BTG2: variants seen among roughly 807,000 people sequenced by gnomAD.
BTG2 encodes the protein BTG anti-proliferation factor 2.
BTG2 carries 9 observed loss-of-function variants against 13.1 expected under a neutral mutation model. That is an observed-to-expected ratio of 0.69 (90% CI 0.41 to 1.20). The LOEUF (loss-of-function observed/expected upper bound fraction) is 1.20. BTG2 is among the 50% of genes most tolerant of loss of function. The pLI, the probability that BTG2 is intolerant of heterozygous loss-of-function variation, is 0.00. For missense variants in BTG2, 200 were observed against 209.5 expected, an observed-to-expected ratio of 0.95 and a Z score of 0.28; for synonymous variants, 92 against 88.6, an observed-to-expected ratio of 1.04 and a Z score of -0.21.
rs935417653 is a variant in BTG2 at position 203,308,841 on chromosome 1, T to C, written c.*1403T>C. ...TATACTGTTGTGGGTTGGAGAAAAGTGGAAAGCTACACTGGGAAGAAACTC... is the reference window on the plus strand; with the variant it reads ...TATACTGTTGTGGGTTGGAGAAAAGCGGAAAGCTACACTGGGAAGAAACTC... On this transcript the variant is annotated 3_prime_UTR_variant, in exon 2 of 2. Transcript: ENST00000290551. 8 of 152,602 alleles carry C rather than the reference T, an allele frequency of 5.2e-5. No individual in the cohort carries two copies. The highest frequency in any genetic ancestry group is 1.9e-4 in the African/African-American group (8 of 41,434). The allele number at this position is 152,602 out of a possible 1,614,324, so 9.5% of individuals were successfully genotyped here.
chr1:203,307,711 T>C lies in BTG2; in HGVS notation c.*273T>C. 4.0e-6 allele frequency: 1 copy of C among 248,626 alleles called. No individual in the cohort carries two copies. The highest frequency in any genetic ancestry group is 7.5e-6 in the Non-Finnish European group (1 of 132,560). 15.4% of individuals were successfully genotyped at this position (248,626 alleles called of 1,614,324 possible). A position where few individuals can be genotyped will look rare whatever the true frequency, so the allele number is the denominator to read the frequency against. On this transcript the variant is annotated 3_prime_UTR_variant, in exon 2 of 2. Transcript: ENST00000290551. ...AGTGTCTGCCTATAGGAGGGGGAGC[T>C]GTTAGGGGGTAGACCTAGCCAAGGA...
Position 203,307,255 on chromosome 1 carries a change from C to A in BTG2, c.294C>A (p.Ser98Arg), listed in dbSNP as rs1341889081. 4 of 1,614,228 alleles carry A rather than the reference C, an allele frequency of 2.5e-6. No homozygotes were observed. Among genetic ancestry groups the A allele is most frequent in the Admixed American group, 1.7e-5 (1 of 60,036 alleles). The part of the protein sequence containing the change: ...SQPQLHQLLP[S>R]ELTLWVDPYE... ...CCCAGCTGCACCAGCTGCTGCCCAG[C>A]GAGCTGACCCTGTGGGTGGACCCCT... Residue 98 changes from serine (S) to arginine (R), a missense_variant, in exon 2 of 2, where the codon AGC becomes AGA. Coordinates refer to ENST00000290551, the MANE Select transcript of BTG2 (RefSeq NM_006763.3).
At chr1:203,305,953 T>C in intron 1 of BTG2, among the ~76,000 whole-genome samples, 1 of 152,006 alleles carries the variant, frequency 6.6e-6, no homozygotes, top group East Asian at 1.9e-4. Flanking sequence ...GCCGTGGCGG[T>C]TCTGATGGGG....
In BTG2 at chr1:203,309,018, A is replaced by T. The variant is rs1658334143; in HGVS notation, c.*1580A>T. ...CCCCTTAGTGAGGAATCTTCACCCCACTTCCTCTACCCCCAGGTTCTCCTC... is the reference window on the plus strand; with the variant it reads ...CCCCTTAGTGAGGAATCTTCACCCCTCTTCCTCTACCCCCAGGTTCTCCTC... On this transcript the variant is annotated 3_prime_UTR_variant, in exon 2 of 2. Coordinates refer to ENST00000290551, the MANE Select transcript of BTG2 (RefSeq NM_006763.3). 1 of 152,410 alleles carries T rather than the reference A, an allele frequency of 6.6e-6. No individual in the cohort carries two copies. Among genetic ancestry groups the T allele is most frequent in the Non-Finnish European group, 1.5e-5 (1 of 68,018 alleles). The allele number at this position is 152,410 out of a possible 1,614,324, so 9.4% of individuals were successfully genotyped here.
At chr1:203,306,820 A>ACTCT (rs56359652) in intron 1 of BTG2, among the ~76,000 whole-genome samples, 1,854 of 108,732 alleles carry the variant, frequency 0.017, 22 homozygotes, top group South Asian at 0.055. Context: ...ACACACACAC[A>ACTCT]CTCTCTCTCT....
chr1:203,308,487 C>G lies in BTG2; in HGVS notation c.*1049C>G, dbSNP rs1450755806. ...TACCGTATTTTCTAGGACAAGAGTT[C>G]TCAGTCACTGTGCAATATGCCCCCT... On this transcript the variant is annotated 3_prime_UTR_variant, in exon 2 of 2. Coordinates refer to ENST00000290551, the MANE Select transcript of BTG2 (RefSeq NM_006763.3). The G allele has an allele frequency of 2.0e-5, 3 of 152,626 alleles. No individual in the cohort carries two copies. Among genetic ancestry groups the G allele is most frequent in the East Asian group, 3.9e-4 (2 of 5,192 alleles). The allele number at this position is 152,626 out of a possible 1,614,324, so 9.5% of individuals were successfully genotyped here. A position where few individuals can be genotyped will look rare whatever the true frequency, so the allele number is the denominator to read the frequency against.
chr1:203,306,386 G>A (rs1265490136), intron 1 of BTG2, among the ~76,000 whole-genome samples: 1 of 152,104 alleles, frequency 6.6e-6, no homozygotes. Flanking sequence ...GAGATAAGCA[G>A]CCCGCTCGCT....
chr1:203,306,981 C>T (rs1300152349), intron 1 of BTG2, 123 bp from the exon 2 acceptor site: 1 of 780,512 alleles, frequency 1.3e-6, no homozygotes, highest in East Asian at 2.7e-5. Flanking sequence ...GAGGAATCCA[C>T]CTCCCTTACT....
Position 203,307,339 on chromosome 1 carries a change from C to T in BTG2, c.378C>T (p.Ala126=), listed in dbSNP as rs772734958. ...DGSICVLYEE[A]PLAASCGLLT... ...CCATCTGCGTCTTGTACGAGGAGGCCCCACTGGCCGCCTCCTGTGGGCTCC... is the reference window on the plus strand; with the variant it reads ...CCATCTGCGTCTTGTACGAGGAGGCTCCACTGGCCGCCTCCTGTGGGCTCC... The change falls in exon 2 of 2, where the codon GCC becomes GCT. Residue 126 remains alanine (A), a synonymous_variant. Transcript: ENST00000290551. 4 of 1,613,764 alleles carry T rather than the reference C, an allele frequency of 2.5e-6. No individual in the cohort carries two copies. In the African/African-American group the frequency reaches 5.3e-5, roughly 22 times the overall value.
chr1:203,307,432 C>T lies in BTG2; in HGVS notation c.471C>T (p.Ser157=), dbSNP rs377245155. Residue 157 remains serine, a synonymous_variant, in exon 2 of 2, where the codon TCC becomes TCT. Coordinates refer to ENST00000290551, the MANE Select transcript of BTG2 (RefSeq NM_006763.3). The part of the protein sequence containing the change: ...SPSKNYVMAV[S]S ...CCAAGAACTACGTGATGGCAGTCTC[C>T]AGCTAGGCCCTTCCGCCCCCGCCCT... 1.9e-6 allele frequency: 3 copies of T among 1,579,186 alleles called. No individual in the cohort carries two copies. The highest frequency in any genetic ancestry group is 3.4e-5 in the Admixed American group (2 of 57,998).
rs1342974852 is a variant in BTG2 at position 203,307,699 on chromosome 1, A to C, written c.*261A>C. ...AGTCTGTGAGCCAGTGTCTGCCTAT[A>C]GGAGGGGGAGCTGTTAGGGGGTAGA... On this transcript the variant is annotated 3_prime_UTR_variant, in exon 2 of 2. Transcript: ENST00000290551. 1 of 271,980 alleles carries C rather than the reference A, an allele frequency of 3.7e-6. No individual in the cohort carries two copies. Among genetic ancestry groups the C allele is most frequent in the Non-Finnish European group, 6.8e-6 (1 of 147,698 alleles). The allele number at this position is 271,980 out of a possible 1,614,324, so 16.8% of individuals were successfully genotyped here.
Position 203,308,361 on chromosome 1 carries a change from G to C in BTG2, c.*923G>C, listed in dbSNP as rs1300759292. On this transcript the variant is annotated 3_prime_UTR_variant, in exon 2 of 2. Transcript: ENST00000290551. ...GATCCCTTTGAGAGGTGGCTCAAAA[G>C]CTACAGGGAACTCCAGGTCCTTTAT... 1 of 152,616 alleles carries C rather than the reference G, an allele frequency of 6.6e-6. No individual in the cohort carries two copies. Among genetic ancestry groups the C allele is most frequent in the Non-Finnish European group, 1.5e-5 (1 of 68,032 alleles). The allele number at this position is 152,616 out of a possible 1,614,324, so 9.5% of individuals were successfully genotyped here.
chr1:203,306,028 T>C (rs1658254071), intron 1 of BTG2, among the ~76,000 whole-genome samples: 2 of 152,226 alleles, frequency 1.3e-5, no homozygotes, highest in East Asian at 1.9e-4. Flanking sequence ...AGTCCCCAGC[T>C]TATGCCCCTG....
chr1:203,306,866 AC>A (rs1431910666), intron 1 of BTG2, among the ~76,000 whole-genome samples: 1 of 133,854 alleles, frequency 7.5e-6, no homozygotes, highest in Non-Finnish European at 1.6e-5. Context: ...ACACACACAC[AC>A]ACACACACTC....
At chr1:203,306,754 T>G (rs1462877696) in intron 1 of BTG2, among the ~76,000 whole-genome samples, 1 of 149,576 alleles carries the variant, frequency 6.7e-6, no homozygotes, top group East Asian at 2.0e-4. Context: ...AGCAATACAC[T>G]GGCCACTAGA....
intron 1 of BTG2, among the ~76,000 whole-genome samples, chr1:203,306,045 T>C (rs1658254794): frequency 1.3e-5 from 2 of 152,226 alleles, no homozygotes; most frequent in Middle Eastern, 3.4e-3. Flanking sequence ...CCTGTCTCAT[T>C]ACGGGCTCGT....
In BTG2 at chr1:203,307,508, A is replaced by G; in HGVS notation, c.*70A>G. 8.2e-7 allele frequency: 1 copy of G among 1,222,314 alleles called. No individual in the cohort carries two copies. The highest frequency in any genetic ancestry group is 1.1e-6 in the Non-Finnish European group (1 of 884,416). 75.7% of individuals were successfully genotyped at this position (1,222,314 alleles called of 1,614,324 possible). On this transcript the variant is annotated 3_prime_UTR_variant, in exon 2 of 2. Transcript: ENST00000290551. ...TGACAACAGGCCACCACATACCTCA[A>G]CCTGGGGAACTGTATTTTTAAATGA...
In BTG2 at chr1:203,305,684, C is replaced by A. The variant is rs1249520390; in HGVS notation, c.78C>A (p.Thr26=). The A allele has an allele frequency of 1.3e-6, 2 of 1,563,856 alleles. No homozygotes were observed. Among genetic ancestry groups the A allele is most frequent in the Non-Finnish European group, 1.7e-6 (2 of 1,154,164 alleles). The change falls in exon 1 of 2, where the codon ACC becomes ACA. Residue 26 remains threonine, a synonymous_variant. Transcript: ENST00000290551. ...GCTTCCTCTCCAGCCTCCTGAGGAC[C>A]CGGGGCTGCGTGAGCGAGCAGAGGC... is the stretch of plus-strand genomic sequence containing the variant. The part of the protein sequence containing the change: ...AVGFLSSLLR[T]RGCVSEQRLK...
intron 1 of BTG2, among the ~76,000 whole-genome samples, chr1:203,306,833 C>T (rs1325342730): frequency 1.3e-5 from 1 of 76,510 alleles, no homozygotes; most frequent in East Asian, 2.4e-4. Context: ...CTCTCTCTCA[C>T]ACACACACAC....
Sources: gnomAD v4.1 joint callset for allele counts (sites outside exome capture counted in the v4.1 genomes callset) on GRCh38, gnomAD v4.1.1 for gene constraint, MANE v1.5 for transcripts, NCBI Gene and HGNC (gene_info 2026-07-23, HGNC 2026-07-21) for gene names.